The following DLC1 variants were observed in gnomAD, a reference collection of about 807,000 sequenced individuals.
DLC1 encodes the protein rho GTPase-activating protein 7.
In DLC1, 54 loss-of-function variants were observed where a neutral mutation model predicts 140.3. The observed-to-expected ratio is 0.38, with a 90% CI of 0.31 to 0.48. The LOEUF (loss-of-function observed/expected upper bound fraction) is 0.48, where lower values mean the gene tolerates loss of function less well. DLC1 is among the 20% of genes least tolerant of loss of function. The pLI is 0.96. For missense variants in DLC1, 2,536 were observed against 1,907.0 expected, an observed-to-expected ratio of 1.33 and a Z score of -6.14; for synonymous variants, 986 against 728.1, an observed-to-expected ratio of 1.35 and a Z score of -5.70.
intron 2 of DLC1, among the ~76,000 whole-genome samples, chr8:13,475,476 G>A (rs1800395187): frequency 6.6e-6 from 1 of 152,278 alleles, no homozygotes; most frequent in South Asian, 2.1e-4. Context: ...CTTAGCGTGT[G>A]CCCAGAAGCC....
chr8:13,597,314 G>C (rs1052146322), intron 1 of DLC1, among the ~76,000 whole-genome samples: 3 of 152,022 alleles, frequency 2.0e-5, no homozygotes, highest in Non-Finnish European at 4.4e-5. Context: ...CAGAAGACGT[G>C]ATTAGGCCTT....
chr8:13,258,651 T>C (rs1266799069), intron 5 of DLC1, among the ~76,000 whole-genome samples: 1 of 152,162 alleles, frequency 6.6e-6, no homozygotes, highest in Admixed American at 6.5e-5. Flanking sequence ...TGCTGTAAGT[T>C]GGTTGTTGCA....
rs1817368155 is a variant in DLC1 at position 13,084,171 on chromosome 8, T to C, written c.*1640A>G. 1.3e-5 allele frequency: 2 copies of C among 152,624 alleles called. No individual in the cohort carries two copies. Among genetic ancestry groups the C allele is most frequent in the African/African-American group, 2.4e-5 (1 of 41,446 alleles). 9.5% of individuals were successfully genotyped at this position (152,624 alleles called of 1,614,324 possible). A position where few individuals can be genotyped will look rare whatever the true frequency, so the allele number is the denominator to read the frequency against. ...TATGTTTGAAAGCACAGTGGACATG[T>C]TTCTTAATAGAATGGTATATACAAC... On this transcript the variant is annotated 3_prime_UTR_variant, in exon 18 of 18. Transcript: ENST00000276297.
At chr8:13,271,023 C>G (rs1830912428) in intron 5 of DLC1, among the ~76,000 whole-genome samples, 1 of 152,190 alleles carries the variant, frequency 6.6e-6, no homozygotes. Context: ...CACAGGCAGC[C>G]TGAGGTTGCA....
Position 13,092,756 on chromosome 8 carries a change from T to C in DLC1, c.3596A>G (p.Glu1199Gly), listed in dbSNP as rs1044093. 1.9e-6 allele frequency: 3 copies of C among 1,614,126 alleles called. No homozygotes were observed. The highest frequency in any genetic ancestry group is 2.5e-6 in the Non-Finnish European group (3 of 1,180,016). ...GAAATAAAGCAGGGTCTGCAGAACC[T>C]CCCGGTTCTCGTCAGGCAGCAGCAT... The part of the protein sequence containing the change: ...AIMLLPDENR[E>G]VLQTLLYFLS... Residue 1199 changes from glutamate to glycine, a missense_variant, in exon 13 of 18, where the codon GAG (glutamate) becomes GGG (glycine). Coordinates refer to ENST00000276297, the MANE Select transcript of DLC1 (RefSeq NM_182643.3).
At chr8:13,181,738 G>C (rs1826050580) in intron 5 of DLC1, among the ~76,000 whole-genome samples, 1 of 152,016 alleles carries the variant, frequency 6.6e-6, no homozygotes, top group Admixed American at 6.6e-5. Flanking sequence ...GTCTATCATT[G>C]ATGGACATTT....
intron 4 of DLC1, among the ~76,000 whole-genome samples, chr8:13,332,612 G>C (rs147806875): frequency 0.021 from 1,007 of 47,028 alleles, 11 homozygotes; most frequent in African/African-American, 0.046. Flanking sequence ...TGTATGTTTA[G>C]TAGAGATTGG....
At chr8:13,086,258 C>A in intron 17 of DLC1, 32 bp downstream of exon 17, 1 of 1,601,214 alleles carries the variant, frequency 6.2e-7, no homozygotes, top group Non-Finnish European at 8.5e-7. Flanking sequence ...TCATGACCCT[C>A]ACCATATAAA....
chr8:13,303,726 T>G (rs896373269), intron 5 of DLC1, among the ~76,000 whole-genome samples: 1 of 152,068 alleles, frequency 6.6e-6, no homozygotes, highest in Non-Finnish European at 1.5e-5. Context: ...GGCTTGAATC[T>G]GGGAGGTGGA....
Position 13,274,948 on chromosome 8 carries a change from G to C in DLC1, c.1348+30321C>G, listed in dbSNP as rs1461453176. On this transcript the variant is annotated intron_variant, in intron 5 of 17. Transcript: ENST00000276297. Reference sequence around the variant, plus strand: ...AATCTTACATCTTAAACTTCTTCTGGTTAATTGCAAATGAGATCATACACC... The same window carrying C: ...AATCTTACATCTTAAACTTCTTCTGCTTAATTGCAAATGAGATCATACACC... 2.6e-5 allele frequency among the ~76,000 whole-genome samples: 4 copies of C among 152,012 alleles called. No individual in the cohort carries two copies. In the East Asian group the frequency reaches 7.7e-4, roughly 29 times the overall value.
At chr8:13,572,416 AT>A (rs1335817467) in intron 1 of DLC1, among the ~76,000 whole-genome samples, 1 of 151,966 alleles carries the variant, frequency 6.6e-6, no homozygotes, top group East Asian at 1.9e-4. Flanking sequence ...ATTTGCAAGT[AT>A]TTTCTCTTGT....
intron 5 of DLC1, among the ~76,000 whole-genome samples, chr8:13,162,475 A>G (rs961117471): frequency 6.6e-6 from 1 of 152,098 alleles, no homozygotes; most frequent in African/African-American, 2.4e-5. Flanking sequence ...GGTGCCTGCC[A>G]CCAAACCCGG....
rs181995210 is a variant in DLC1, at chr8:13,170,468, C to G, written c.1349-54811G>C. Among the ~76,000 whole-genome samples the G allele has an allele frequency of 2.4e-3, 371 of 152,224 alleles. 1 individual carries two copies. Among genetic ancestry groups the G allele is most frequent in the African/African-American group, 8.1e-3 (335 of 41,542 alleles). ...TTTCCGGGCCGGGCGCGGTGGCTCACGCCTGTAATCCCAGCACTTTGCGGG... is the reference window on the plus strand; with the variant it reads ...TTTCCGGGCCGGGCGCGGTGGCTCAGGCCTGTAATCCCAGCACTTTGCGGG... On this transcript the variant is annotated intron_variant, in intron 5 of 17. Transcript: ENST00000276297.
intron 9 of DLC1, among the ~76,000 whole-genome samples, chr8:13,099,134 G>C (rs889467913): frequency 6.6e-6 from 1 of 152,054 alleles, no homozygotes; most frequent in African/African-American, 2.4e-5. Context: ...ACCATCTCCA[G>C]AACTTTTTTC....
At chr8:13,597,193 A>C (rs1040323556) in intron 1 of DLC1, among the ~76,000 whole-genome samples, 1 of 152,098 alleles carries the variant, frequency 6.6e-6, no homozygotes, top group Non-Finnish European at 1.5e-5. Flanking sequence ...ATTCAGAATC[A>C]GAATGCCCAC....
At chr8:13,438,325 A>C (rs1278121472) in intron 2 of DLC1, among the ~76,000 whole-genome samples, 1 of 152,198 alleles carries the variant, frequency 6.6e-6, no homozygotes. Context: ...ACAGGTGCTT[A>C]ATCAATAGTA....
chr8:13,380,479 C>T (rs752706264), intron 4 of DLC1, among the ~76,000 whole-genome samples: 3 of 152,172 alleles, frequency 2.0e-5, no homozygotes, highest in Non-Finnish European at 4.4e-5. Context: ...ATAAACTCTG[C>T]TTTTATCAGG....
chr8:13,419,230 G>A (rs1470692713), intron 2 of DLC1, among the ~76,000 whole-genome samples: 3 of 151,802 alleles, frequency 2.0e-5, no homozygotes, highest in Non-Finnish European at 2.9e-5. Context: ...TAATTGCCCT[G>A]GCCAGAACTT....
chr8:13,330,138 A>AT (rs1364942125), intron 4 of DLC1, among the ~76,000 whole-genome samples: 2 of 151,936 alleles, frequency 1.3e-5, no homozygotes, highest in African/African-American at 4.8e-5. Flanking sequence ...ATAATTTTAA[A>AT]TTTTTTTGTA....
Sources: allele counts gnomAD v4.1 joint callset (sites outside exome capture counted in the v4.1 genomes callset), GRCh38; gene constraint gnomAD v4.1.1; transcripts MANE v1.5; gene names NCBI Gene and HGNC (gene_info 2026-07-23, HGNC 2026-07-21).